The following TASP1 variants were observed in gnomAD, a reference collection of about 807,000 sequenced individuals.
TASP1 encodes the protein taspase 1.
TASP1 carries 16 observed loss-of-function variants against 56.6 expected under a neutral mutation model. The observed-to-expected ratio is 0.28, with a 90% CI of 0.19 to 0.43. The LOEUF (loss-of-function observed/expected upper bound fraction) is 0.43, where lower values mean the gene tolerates loss of function less well. TASP1 is among the 20% of genes least tolerant of loss of function. The probability of loss-of-function intolerance (pLI) is 1.00; values close to 1 mark genes in which losing one functional copy is unlikely to be tolerated. For synonymous variants in TASP1, 179 were observed against 184.2 expected (o/e 0.97, Z 0.23); for missense variants, 393 against 511.6 (o/e 0.77, Z 2.24).
the TASP1 span, among the ~76,000 whole-genome samples, chr20:13,161,227 A>G: frequency 6.6e-6 from 1 of 152,216 alleles, no homozygotes; most frequent in Admixed American, 6.5e-5. Context: ...GAATAGAAGG[A>G]TGGTGAAGCA....
At chr20:13,547,478 A>AG (rs778205461) in intron 8 of TASP1, among the ~76,000 whole-genome samples, 104 of 152,332 alleles carry the variant, frequency 6.8e-4, no homozygotes, top group Middle Eastern at 3.4e-3. Context: ...ATATTTGGTG[A>AG]GAAAAAAAGG....
At chr20:13,527,941 G>A (rs1418994780) in intron 10 of TASP1, among the ~76,000 whole-genome samples, 1 of 151,958 alleles carries the variant, frequency 6.6e-6, no homozygotes, top group Non-Finnish European at 1.5e-5. Context: ...ATGTTAGTGG[G>A]TCGGGTGCAG....
chr20:13,140,528 G>C, the TASP1 span, among the ~76,000 whole-genome samples: 1 of 152,020 alleles, frequency 6.6e-6, no homozygotes, highest in African/African-American at 2.4e-5. Context: ...ATATGATTCC[G>C]ATTAACATCA....
In TASP1 at chr20:13,432,574, A is replaced by AATG. The variant is rs1467849477; in HGVS notation, c.1096+2469_1096+2470insCAT. Among the ~76,000 whole-genome samples the AATG allele has an allele frequency of 7.2e-5, 11 of 152,342 alleles. No individual in the cohort carries two copies. The East Asian group carries it at 2.1e-3, about 29-fold the overall frequency. On this transcript the variant is annotated intron_variant, in intron 12 of 13. Transcript: ENST00000337743. ...AGCATCTATAAGTTGACATTAGCCTATGTTCGCCAGGTTTTAGTAGATAAG... is the reference window on the plus strand; with the variant it reads ...AGCATCTATAAGTTGACATTAGCCTAATGTGTTCGCCAGGTTTTAGTAGATAAG...
chr20:13,317,182 C>A, the TASP1 span, among the ~76,000 whole-genome samples: 2 of 151,794 alleles, frequency 1.3e-5, no homozygotes, highest in Non-Finnish European at 2.9e-5. Flanking sequence ...ATACCATTTA[C>A]ATTAACACCT....
At chr20:13,195,648 T>C in the TASP1 span, among the ~76,000 whole-genome samples, 1 of 152,314 alleles carries the variant, frequency 6.6e-6, no homozygotes, top group South Asian at 2.1e-4. Flanking sequence ...CCCTGCTTAC[T>C]GGGACCACCT....
At chr20:13,253,067 G>A in the TASP1 span, among the ~76,000 whole-genome samples, 166 of 152,288 alleles carry the variant, frequency 1.1e-3, no homozygotes, top group Middle Eastern at 3.4e-3. Context: ...GACACACAGC[G>A]AGGGAGAAAT....
intron 10 of TASP1, among the ~76,000 whole-genome samples, chr20:13,504,790 A>G (rs899546895): frequency 6.6e-6 from 1 of 152,162 alleles, no homozygotes; most frequent in Non-Finnish European, 1.5e-5. Flanking sequence ...ATAGATTTTC[A>G]TAACTATACA....
At chr20:13,430,957 C>T (rs2146159100) in intron 12 of TASP1, among the ~76,000 whole-genome samples, 1 of 152,240 alleles carries the variant, frequency 6.6e-6, no homozygotes, top group Admixed American at 6.5e-5. Flanking sequence ...CCAGGAAACT[C>T]CATCAAGTGG....
At chr20:13,284,826 G>A in the TASP1 span, among the ~76,000 whole-genome samples, 6,369 of 152,216 alleles carry the variant, frequency 0.042, 404 homozygotes, top group African/African-American at 0.14. Context: ...TGAAAAAAAT[G>A]TTTGGAAATA....
the TASP1 span, among the ~76,000 whole-genome samples, chr20:13,147,187 G>C: frequency 1.3e-5 from 2 of 152,132 alleles, no homozygotes; most frequent in African/African-American, 4.8e-5. Context: ...AGAGCCCTTG[G>C]AACATGTGTA....
the TASP1 span, among the ~76,000 whole-genome samples, chr20:13,243,153 T>C: frequency 2.6e-5 from 4 of 152,180 alleles, no homozygotes; most frequent in African/African-American, 9.7e-5. Flanking sequence ...AAAAGAACTC[T>C]TGCCTTGGAA....
chr20:13,596,755 G>T (rs2047748477), intron 4 of TASP1, among the ~76,000 whole-genome samples: 1 of 151,990 alleles, frequency 6.6e-6, no homozygotes, highest in Non-Finnish European at 1.5e-5. Context: ...CTGGTTTTTT[G>T]AAAAGATCAA....
chr20:13,202,603 T>G, the TASP1 span, among the ~76,000 whole-genome samples: 1 of 151,556 alleles, frequency 6.6e-6, no homozygotes, highest in African/African-American at 2.4e-5. Flanking sequence ...CAAATTAAAT[T>G]TAACAAAGTC....
At chr20:13,477,169 A>G (rs1467062078) in intron 11 of TASP1, among the ~76,000 whole-genome samples, 2 of 152,158 alleles carry the variant, frequency 1.3e-5, no homozygotes, top group Admixed American at 6.5e-5. Context: ...TATTTGGCAG[A>G]AAAGCATAAG....
intron 4 of TASP1, among the ~76,000 whole-genome samples, chr20:13,614,484 T>C (rs546956623): frequency 2.0e-5 from 3 of 152,282 alleles, no homozygotes; most frequent in Admixed American, 6.5e-5. Context: ...ACATAAAATA[T>C]TCTGTCCAAA....
intron 8 of TASP1, 108 bp downstream of exon 8, chr20:13,558,900 T>C: frequency 1.7e-6 from 1 of 587,520 alleles, no homozygotes; most frequent in Non-Finnish European, 2.8e-6. Context: ...AGTACATATG[T>C]GACACACATT....
At chr20:13,430,783 G>T (rs1190339097) in intron 12 of TASP1, among the ~76,000 whole-genome samples, 1 of 152,208 alleles carries the variant, frequency 6.6e-6, no homozygotes, top group East Asian at 1.9e-4. Flanking sequence ...AGTGGACTTT[G>T]AAAGTTCCTT....
At chr20:13,355,096 G>A in the TASP1 span, among the ~76,000 whole-genome samples, 1 of 152,158 alleles carries the variant, frequency 6.6e-6, no homozygotes, top group African/African-American at 2.4e-5. Context: ...GCATATGGCG[G>A]TATTATGGTC....
Sources: gnomAD v4.1 joint callset for allele counts (sites outside exome capture counted in the v4.1 genomes callset) on GRCh38, gnomAD v4.1.1 for gene constraint, MANE v1.5 for transcripts, NCBI Gene and HGNC (gene_info 2026-07-23, HGNC 2026-07-21) for gene names.